Variants in CRYL1 observed in about 807,000 individuals in gnomAD.
The protein encoded by CRYL1 is crystallin lambda 1, also known as lambda-crystallin homolog.
Under a neutral mutation model 36.6 loss-of-function variants are expected in CRYL1, and 29 were observed. That is an observed-to-expected ratio of 0.79 (90% CI 0.59 to 1.08). The LOEUF is 1.08. CRYL1 is among the 50% of genes least tolerant of loss of function. The pLI is 0.00. For synonymous variants in CRYL1, 152 were observed against 151.5 expected (o/e 1.00, Z -0.02); for missense variants, 411 against 407.9 (o/e 1.01, Z -0.06).
At chr13:20,468,424 G>A (rs1008001291) in intron 3 of CRYL1, among the ~76,000 whole-genome samples, 4 of 152,086 alleles carry the variant, frequency 2.6e-5, no homozygotes, top group African/African-American at 9.7e-5. Context: ...ACCACACTCA[G>A]CTCAAAACTT....
At chr13:20,476,629 A>C (rs1377224006) in intron 3 of CRYL1, among the ~76,000 whole-genome samples, 2 of 152,244 alleles carry the variant, frequency 1.3e-5, no homozygotes, top group Non-Finnish European at 2.9e-5. Context: ...CCAAGCCGGA[A>C]GAAAAACATG....
chr13:20,414,873 C>T (rs950397822), intron 5 of CRYL1, among the ~76,000 whole-genome samples: 4 of 152,160 alleles, frequency 2.6e-5, no homozygotes, highest in Admixed American at 2.6e-4. Context: ...GGAGGGCGGA[C>T]GGAGGGAAGC....
intron 3 of CRYL1, among the ~76,000 whole-genome samples, chr13:20,460,524 T>C: frequency 1.6e-5 from 2 of 125,530 alleles, no homozygotes; most frequent in Non-Finnish European, 3.3e-5. Flanking sequence ...TTTTTTTTTT[T>C]TTTTTTTTTT....
chr13:20,460,385 C>T (rs2032783305), intron 3 of CRYL1, among the ~76,000 whole-genome samples: 1 of 152,070 alleles, frequency 6.6e-6, no homozygotes, highest in Non-Finnish European at 1.5e-5. Context: ...CCAAATTATT[C>T]TCTTAAAGTT....
chr13:20,496,823 C>A (rs988849507), intron 2 of CRYL1, among the ~76,000 whole-genome samples: 1 of 135,946 alleles, frequency 7.4e-6, no homozygotes, highest in Non-Finnish European at 1.5e-5. Context: ...CCAGCCCGGG[C>A]ACCAGAGCAA....
chr13:20,475,332 G>A (rs1414129397), intron 3 of CRYL1, among the ~76,000 whole-genome samples: 1 of 152,162 alleles, frequency 6.6e-6, no homozygotes, highest in African/African-American at 2.4e-5. Flanking sequence ...TTTGGGCTCT[G>A]GGGTGAGATC....
chr13:20,437,719 G>A (rs190607519), intron 4 of CRYL1, among the ~76,000 whole-genome samples: 9 of 152,276 alleles, frequency 5.9e-5, no homozygotes, highest in Admixed American at 2.0e-4. Context: ...GGACTGGGCT[G>A]GGTGTGAGGG....
intron 3 of CRYL1, among the ~76,000 whole-genome samples, chr13:20,442,610 A>G (rs1043032866): frequency 1.5e-4 from 23 of 152,220 alleles, no homozygotes; most frequent in African/African-American, 5.5e-4. Context: ...TCTCCAACCC[A>G]GAGAGATGCA....
chr13:20,496,949 A>G (rs995678650), intron 2 of CRYL1, among the ~76,000 whole-genome samples: 2 of 152,076 alleles, frequency 1.3e-5, no homozygotes, highest in African/African-American at 4.8e-5. Flanking sequence ...ATGCAAAAGT[A>G]GTCAGGTAAA....
intron 3 of CRYL1, among the ~76,000 whole-genome samples, chr13:20,484,344 GA>G (rs1413372111): frequency 1.3e-5 from 2 of 152,152 alleles, no homozygotes; most frequent in Non-Finnish European, 2.9e-5. Context: ...AGAGGCTGCG[GA>G]CTTTGGGAAC....
In CRYL1 at chr13:20,512,433, G is replaced by C. The variant is rs1344816366; in HGVS notation, c.149+10C>G. ...CTTCCATTCCTTCTGGAGAGCGCCG[G>C]CTGGCCCACCTGATGTTTTCCAGGG... On this transcript the variant is annotated intron_variant, in intron 2 of 7. Transcript: ENST00000298248. 3 of 1,598,186 alleles carry C rather than the reference G, an allele frequency of 1.9e-6. No individual in the cohort carries two copies. The African/African-American group carries it at 4.0e-5, about 21-fold the overall frequency.
intron 5 of CRYL1, 145 bp downstream of exon 5, chr13:20,431,957 G>C (rs1009662131): frequency 6.5e-7 from 1 of 1,542,984 alleles, no homozygotes; most frequent in South Asian, 1.2e-5. Flanking sequence ...CTCCAGAATA[G>C]AGCAAGAAGA....
At chr13:20,508,766 A>G (rs925773143) in intron 2 of CRYL1, among the ~76,000 whole-genome samples, 1 of 143,216 alleles carries the variant, frequency 7.0e-6, no homozygotes, top group Non-Finnish European at 1.5e-5. Context: ...GGAGAATGGC[A>G]TGAACCTAGG....
At chr13:20,420,433 G>C (rs543692282) in intron 5 of CRYL1, among the ~76,000 whole-genome samples, 2 of 151,056 alleles carry the variant, frequency 1.3e-5, no homozygotes, top group Non-Finnish European at 2.9e-5. Context: ...TTCCAGAAAA[G>C]ACTCCAGAAG....
At chr13:20,500,890 T>C (rs1427157419) in intron 2 of CRYL1, among the ~76,000 whole-genome samples, 1 of 152,140 alleles carries the variant, frequency 6.6e-6, no homozygotes, top group East Asian at 1.9e-4. Context: ...CTGAGTTCTT[T>C]CCTCAGGAAA....
chr13:20,456,179 G>A (rs1264832136), intron 3 of CRYL1, among the ~76,000 whole-genome samples: 1 of 152,060 alleles, frequency 6.6e-6, no homozygotes, highest in Non-Finnish European at 1.5e-5. Flanking sequence ...AAAATTTTAA[G>A]AAATAATACA....
intron 3 of CRYL1, chr13:20,477,109 C>T (rs2033182239): frequency 6.6e-6 from 1 of 152,268 alleles, no homozygotes; most frequent in African/African-American, 2.4e-5. Flanking sequence ...TGCAGTGAGC[C>T]AAGATCGTGC....
chr13:20,505,412 A>C (rs556069363), intron 2 of CRYL1, among the ~76,000 whole-genome samples: 6 of 150,636 alleles, frequency 4.0e-5, no homozygotes, highest in Non-Finnish European at 8.9e-5. Context: ...CCAAACTGCA[A>C]GGTGGAATAG....
At chr13:20,516,289 A>AAC (rs2033997551) in intron 1 of CRYL1, among the ~76,000 whole-genome samples, 2 of 152,100 alleles carry the variant, frequency 1.3e-5, no homozygotes, top group Admixed American at 1.3e-4. Context: ...TAAAAAAATG[A>AAC]ACACTAACTT....
Sources: gnomAD v4.1 joint callset for allele counts (sites outside exome capture counted in the v4.1 genomes callset) on GRCh38, gnomAD v4.1.1 for gene constraint, MANE v1.5 for transcripts, NCBI Gene and HGNC (gene_info 2026-07-23, HGNC 2026-07-21) for gene names.